Variants in ANK3 observed in about 807,000 individuals in gnomAD.
ANK3 encodes the protein ankyrin-3.
A neutral mutation model predicts 370.9 loss-of-function variants in ANK3; 57 were observed. The observed-to-expected ratio is 0.15, with a 90% CI of 0.12 to 0.19. The LOEUF (loss-of-function observed/expected upper bound fraction) is 0.19, where lower values mean the gene tolerates loss of function less well. Ranked by LOEUF, ANK3 falls within the 10% of genes least tolerant of loss-of-function variation. ANK3 has a pLI of 1.00. For synonymous variants in ANK3, 1,929 were observed against 1,946.3 expected, an observed-to-expected ratio of 0.99 and a Z score of 0.23; for missense variants, 4,439 against 5,302.1, an observed-to-expected ratio of 0.84 and a Z score of 5.06.
chr10:60,213,560 G>T, intron 8 of ANK3, 50 bp from the exon 9 acceptor site: 1 of 1,306,542 alleles, frequency 7.7e-7, no homozygotes, highest in East Asian at 2.4e-5. Context: ...TAAATTCTAT[G>T]AGTGCAGTGT....
chr10:60,627,429 A>T (rs896309723), intron 1 of ANK3, among the ~76,000 whole-genome samples: 14 of 152,042 alleles, frequency 9.2e-5, no homozygotes, highest in African/African-American at 2.7e-4. Context: ...AAAATAAAAA[A>T]AAGGCATCTG....
intron 1 of ANK3, among the ~76,000 whole-genome samples, chr10:60,697,635 G>C (rs1459485377): frequency 2.1e-5 from 3 of 145,214 alleles, no homozygotes; most frequent in Admixed American, 7.0e-5. Context: ...ACAAACCTGA[G>C]AAAAACAAGC....
intron 4 of ANK3, among the ~76,000 whole-genome samples, chr10:60,273,900 C>T (rs1354768398): frequency 1.3e-5 from 2 of 152,196 alleles, no homozygotes; most frequent in Non-Finnish European, 2.9e-5. Flanking sequence ...GCCTTCTCAG[C>T]CATGTGGAAC....
chr10:60,673,544 G>T (rs1258409623), intron 1 of ANK3, among the ~76,000 whole-genome samples: 1 of 151,966 alleles, frequency 6.6e-6, no homozygotes, highest in Non-Finnish European at 1.5e-5. Flanking sequence ...TAGAGATGGG[G>T]TTCCACCATG....
At chr10:60,038,227 T>C (rs1299091703) in intron 43 of ANK3, among the ~76,000 whole-genome samples, 1 of 152,090 alleles carries the variant, frequency 6.6e-6, no homozygotes, top group Admixed American at 6.5e-5. Flanking sequence ...TGAAACCCCG[T>C]CTCTACTAAA....
chr10:60,689,271 T>G (rs773480041), intron 1 of ANK3, among the ~76,000 whole-genome samples: 4 of 152,126 alleles, frequency 2.6e-5, no homozygotes, highest in Non-Finnish European at 5.9e-5. Flanking sequence ...TGGTGCCACG[T>G]GCCTGTAGTC....
At chr10:60,293,591 TC>T (rs142002329) in intron 1 of ANK3, among the ~76,000 whole-genome samples, 3,110 of 152,252 alleles carry the variant, frequency 0.02, 94 homozygotes, top group African/African-American at 0.071. Context: ...GCTTTAATGT[TC>T]TTCCTACCAC....
chr10:60,369,632 C>T (rs561587930), intron 1 of ANK3, among the ~76,000 whole-genome samples: 5 of 152,266 alleles, frequency 3.3e-5, no homozygotes, highest in Admixed American at 1.3e-4. Flanking sequence ...TGGTAAATGT[C>T]ATTGTATATC....
chr10:60,108,792 T>C lies in ANK3; in HGVS notation c.3173+38A>G, dbSNP rs972555057. 4 of 1,567,546 alleles carry C rather than the reference T, an allele frequency of 2.6e-6. No individual in the cohort carries two copies. In the East Asian group the frequency reaches 6.7e-5, roughly 26 times the overall value. On this transcript the variant is annotated intron_variant, in intron 27 of 43. Coordinates refer to ENST00000280772, the MANE Select transcript of ANK3 (RefSeq NM_020987.5). ...AAGGGTAAAGAAAATCAAAGATGCATTGTGAGGGCCAAGGTTAAAATTGAC... is the reference window on the plus strand; with the variant it reads ...AAGGGTAAAGAAAATCAAAGATGCACTGTGAGGGCCAAGGTTAAAATTGAC...
At chr10:60,551,604 C>T (rs573667407) in intron 2 of ANK3, among the ~76,000 whole-genome samples, 201 of 152,112 alleles carry the variant, frequency 1.3e-3, no homozygotes, top group Non-Finnish European at 2.3e-3. Flanking sequence ...ATGTAAGATG[C>T]TATTGCTTAT....
chr10:60,421,380 TAATAA>T (rs1412011955), intron 2 of ANK3, among the ~76,000 whole-genome samples: 1 of 152,006 alleles, frequency 6.6e-6, no homozygotes, highest in Non-Finnish European at 1.5e-5. Flanking sequence ...GGGAAAGTCT[TAATAA>T]ACGTGGGGGA....
At chr10:60,297,964 C>CAGTTAAAT (rs1255982872) in intron 1 of ANK3, among the ~76,000 whole-genome samples, 2 of 152,024 alleles carry the variant, frequency 1.3e-5, no homozygotes, top group Non-Finnish European at 2.9e-5. Flanking sequence ...ATTCCTCCAA[C>CAGTTAAAT]AGTTAAATAT....
chr10:60,515,996 G>A (rs1246844862), intron 2 of ANK3, among the ~76,000 whole-genome samples: 1 of 152,036 alleles, frequency 6.6e-6, no homozygotes, highest in Non-Finnish European at 1.5e-5. Flanking sequence ...ATAAATCAGT[G>A]TGTCACTACC....
chr10:60,530,746 C>A (rs1195032804), intron 2 of ANK3, among the ~76,000 whole-genome samples: 4 of 151,722 alleles, frequency 2.6e-5, no homozygotes, highest in Admixed American at 2.6e-4. Context: ...TGAGTTAACA[C>A]CTTAGCTCCA....
At chr10:60,409,789 G>T in intron 2 of ANK3, among the ~76,000 whole-genome samples, 1 of 152,114 alleles carries the variant, frequency 6.6e-6, no homozygotes, top group Non-Finnish European at 1.5e-5. Flanking sequence ...CTCTCTGTTT[G>T]ATGTCTTCCC....
intron 1 of ANK3, among the ~76,000 whole-genome samples, chr10:60,650,366 C>CAAA (rs869281312): frequency 1.1e-4 from 3 of 27,216 alleles, no homozygotes; most frequent in East Asian, 1.0e-3. Flanking sequence ...TACTACTTTA[C>CAAA]AAAAAAAAAA....
chr10:60,075,730 A>G lies in ANK3; in HGVS notation c.5151T>C (p.Asn1717=). The G allele has an allele frequency of 1.2e-6, 2 of 1,614,176 alleles. No homozygotes were observed. The highest frequency in any genetic ancestry group is 2.2e-5 in the South Asian group (2 of 91,080). Residue 1717 remains asparagine (N), a synonymous_variant, in exon 37 of 44, where the codon AAT becomes AAC. Transcript: ENST00000280772. ...GATATTTTAGAGGGGAAATAGATCC[A>G]TTGACTAATGCTACCTCTGCATGTC... ...MPGHAEVALV[N]GSISPLKYPS...
At chr10:60,721,348 C>A (rs913273248) in intron 1 of ANK3, among the ~76,000 whole-genome samples, 1 of 152,072 alleles carries the variant, frequency 6.6e-6, no homozygotes, top group South Asian at 2.1e-4. Flanking sequence ...TGGAAAAATG[C>A]AAAGGCAGAC....
At chr10:60,157,808 T>G (rs1390260092) in intron 23 of ANK3, among the ~76,000 whole-genome samples, 1 of 148,856 alleles carries the variant, frequency 6.7e-6, no homozygotes, top group Non-Finnish European at 1.5e-5. Context: ...ACCTACAAGA[T>G]CTAGAAAATA....
Sources: gnomAD v4.1 joint callset for allele counts (sites outside exome capture counted in the v4.1 genomes callset) on GRCh38, gnomAD v4.1.1 for gene constraint, MANE v1.5 for transcripts, NCBI Gene and HGNC (gene_info 2026-07-23, HGNC 2026-07-21) for gene names.